The following THSD7A variants were observed in gnomAD, a reference collection of about 807,000 sequenced individuals.
The protein encoded by THSD7A is thrombospondin type 1 domain containing 7A.
In THSD7A, 96 loss-of-function variants were observed where a neutral mutation model predicts 231.3. The observed-to-expected ratio is 0.41, with a 90% CI of 0.35 to 0.49. The LOEUF (loss-of-function observed/expected upper bound fraction) is 0.49, where lower values mean the gene tolerates loss of function less well. Ranked by LOEUF, THSD7A falls within the 20% of genes least tolerant of loss-of-function variation. The pLI is 0.05. For missense variants in THSD7A, 2,290 were observed against 2,070.2 expected (o/e 1.11, Z -2.06); for synonymous variants, 940 against 743.3 (o/e 1.26, Z -4.30).
At chr7:11,557,457 TGCTA>T (rs1789894570) in intron 4 of THSD7A, among the ~76,000 whole-genome samples, 1 of 152,126 alleles carries the variant, frequency 6.6e-6, no homozygotes, top group African/African-American at 2.4e-5. Flanking sequence ...CAGTGTTGGC[TGCTA>T]TTTATTTATT....
intron 25 of THSD7A, 139 bp downstream of exon 25, chr7:11,379,491 G>A (rs1486976407): frequency 2.2e-6 from 2 of 916,620 alleles, no homozygotes; most frequent in Non-Finnish European, 3.3e-6. Context: ...GGACTTTTTA[G>A]ATTGATAAAA....
intron 1 of THSD7A, among the ~76,000 whole-genome samples, chr7:11,780,852 G>A (rs1312139433): frequency 1.3e-5 from 2 of 151,000 alleles, no homozygotes; most frequent in East Asian, 2.0e-4. Flanking sequence ...TTAGCCGGGC[G>A]CGGTGGCGGG....
At chr7:11,538,798 G>A (rs1229871731) in intron 6 of THSD7A, among the ~76,000 whole-genome samples, 1 of 151,898 alleles carries the variant, frequency 6.6e-6, no homozygotes, top group Admixed American at 6.6e-5. Flanking sequence ...ACTCCTCCTG[G>A]GGTCTCTTAC....
At chr7:11,522,783 CTTTT>C (rs1458250030) in intron 6 of THSD7A, among the ~76,000 whole-genome samples, 1 of 152,080 alleles carries the variant, frequency 6.6e-6, no homozygotes, top group Non-Finnish European at 1.5e-5. Context: ...GGCAATGTTT[CTTTT>C]GTTTCCACTA....
chr7:11,663,449 A>G (rs973184527), intron 1 of THSD7A, among the ~76,000 whole-genome samples: 1 of 151,520 alleles, frequency 6.6e-6, no homozygotes, highest in Non-Finnish European at 1.5e-5. Context: ...AAAGCAGAAA[A>G]CAAAAACAAA....
At chr7:11,619,722 C>G (rs1584094421) in intron 2 of THSD7A, among the ~76,000 whole-genome samples, 1 of 151,922 alleles carries the variant, frequency 6.6e-6, no homozygotes, top group African/African-American at 2.4e-5. Context: ...GCAACCCGCC[C>G]AATTTACATA....
intron 1 of THSD7A, among the ~76,000 whole-genome samples, chr7:11,719,321 G>C (rs1486076986): frequency 1.3e-5 from 2 of 151,454 alleles, no homozygotes; most frequent in African/African-American, 4.8e-5. Context: ...TACTAAATGA[G>C]ACTCAGTATC....
intron 6 of THSD7A, among the ~76,000 whole-genome samples, chr7:11,540,515 T>C (rs1789100319): frequency 6.6e-6 from 1 of 152,238 alleles, no homozygotes; most frequent in East Asian, 1.9e-4. Flanking sequence ...GTAAACAGCA[T>C]AAACTGTCAA....
intron 6 of THSD7A, among the ~76,000 whole-genome samples, chr7:11,531,497 C>T (rs1381846553): frequency 2.6e-5 from 4 of 152,222 alleles, no homozygotes; most frequent in Non-Finnish European, 5.9e-5. Context: ...TCCAACCACA[C>T]TGGCCATGTT....
intron 1 of THSD7A, among the ~76,000 whole-genome samples, chr7:11,810,155 T>G (rs1184026890): frequency 6.6e-6 from 1 of 152,122 alleles, no homozygotes; most frequent in African/African-American, 2.4e-5. Context: ...GAGGTAAAAC[T>G]GATAAGAATC....
At chr7:11,651,945 A>G (rs1022468459) in intron 1 of THSD7A, among the ~76,000 whole-genome samples, 6 of 151,976 alleles carry the variant, frequency 3.9e-5, no homozygotes, top group African/African-American at 1.4e-4. Flanking sequence ...AATAAATTGT[A>G]GAAACCATCT....
chr7:11,536,381 T>A (rs1344799955), intron 6 of THSD7A, among the ~76,000 whole-genome samples: 2 of 152,174 alleles, frequency 1.3e-5, no homozygotes, highest in Admixed American at 6.5e-5. Flanking sequence ...TCTGCACCCA[T>A]CTTTCAGATT....
rs78485851 is a variant in THSD7A at position 11,564,431 on chromosome 7, G to A, written c.1454-21314C>T. 7.2e-3 allele frequency among the ~76,000 whole-genome samples: 1,095 copies of A among 152,288 alleles called. 7 individuals carry two copies. The highest frequency in any genetic ancestry group is 0.011 in the Non-Finnish European group (771 of 68,034). The stretch of plus-strand genomic sequence containing the variant: ...CAGCAAGTTAGGAGGATATTTGAGC[G>A]ATGGGTCCTGACTGCCCTTGCCTTC... On this transcript the variant is annotated intron_variant, in intron 4 of 27. Transcript: ENST00000423059.
chr7:11,820,130 C>CA (rs1562578100), intron 1 of THSD7A, among the ~76,000 whole-genome samples: 1 of 152,190 alleles, frequency 6.6e-6, no homozygotes, highest in East Asian at 1.9e-4. Flanking sequence ...GGCTCCACCG[C>CA]CAGCCTCCTC....
intron 1 of THSD7A, among the ~76,000 whole-genome samples, chr7:11,717,264 T>C (rs1400979072): frequency 1.3e-5 from 2 of 151,714 alleles, no homozygotes; most frequent in Admixed American, 6.6e-5. Flanking sequence ...GAGGCTAGAC[T>C]CTAGCCCGTC....
At chr7:11,720,866 G>A (rs1255223311) in intron 1 of THSD7A, among the ~76,000 whole-genome samples, 1 of 151,630 alleles carries the variant, frequency 6.6e-6, no homozygotes, top group Admixed American at 6.6e-5. Flanking sequence ...CACTCGGACT[G>A]CTCCTTCTCT....
chr7:11,640,607 A>G (rs912574784), intron 1 of THSD7A, among the ~76,000 whole-genome samples: 2 of 152,088 alleles, frequency 1.3e-5, no homozygotes, highest in Non-Finnish European at 2.9e-5. Context: ...TGAAATTAGC[A>G]TTGTCTTGGA....
intron 6 of THSD7A, among the ~76,000 whole-genome samples, chr7:11,505,175 G>C (rs932783205): frequency 1.3e-5 from 2 of 152,018 alleles, no homozygotes; most frequent in African/African-American, 4.8e-5. Context: ...TGTTTTGAAA[G>C]GAAAATCTGG....
intron 6 of THSD7A, among the ~76,000 whole-genome samples, chr7:11,505,971 T>A (rs1039728037): frequency 1.6e-4 from 25 of 152,316 alleles, no homozygotes; most frequent in Admixed American, 1.6e-3. Context: ...AAAGCACTTC[T>A]GAAGCAAATT....
Sources: gnomAD v4.1 joint callset for allele counts (sites outside exome capture counted in the v4.1 genomes callset) on GRCh38, gnomAD v4.1.1 for gene constraint, MANE v1.5 for transcripts, NCBI Gene and HGNC (gene_info 2026-07-23, HGNC 2026-07-21) for gene names.